AGBL1: variants seen among roughly 807,000 people sequenced by gnomAD.
AGBL1 encodes the protein AGBL carboxypeptidase 1, also known as cytosolic carboxypeptidase 4.
In AGBL1, 130 loss-of-function variants were observed where a neutral mutation model predicts 118.9. That is an observed-to-expected ratio of 1.09 (90% CI 0.95 to 1.26). AGBL1 has a LOEUF of 1.26. Ranked by LOEUF, AGBL1 falls within the 50% of genes most tolerant of loss-of-function variation. The probability of loss-of-function intolerance (pLI) is 0.00; values close to 1 mark genes in which losing one functional copy is unlikely to be tolerated. For synonymous variants in AGBL1, 555 were observed against 478.9 expected (o/e 1.16, Z -2.08); for missense variants, 1,584 against 1,298.1 (o/e 1.22, Z -3.38).
At chr15:86,449,797 T>G (rs2082170554) in intron 18 of AGBL1, among the ~76,000 whole-genome samples, 1 of 152,158 alleles carries the variant, frequency 6.6e-6, no homozygotes, top group Non-Finnish European at 1.5e-5. Context: ...CATGCGTGCC[T>G]GTGAGTGGAG....
chr15:86,720,811 G>A (rs1405951618), intron 22 of AGBL1, among the ~76,000 whole-genome samples: 2 of 152,108 alleles, frequency 1.3e-5, no homozygotes, highest in Non-Finnish European at 2.9e-5. Flanking sequence ...AAATGATAAA[G>A]GGGATATCAC....
At chr15:86,960,734 A>G (rs892320828) in intron 23 of AGBL1, among the ~76,000 whole-genome samples, 10 of 152,052 alleles carry the variant, frequency 6.6e-5, no homozygotes, top group Non-Finnish European at 8.8e-5. Context: ...GCATCCATCA[A>G]TGGACACTTA....
chr15:86,225,404 G>A (rs984629357), intron 6 of AGBL1, among the ~76,000 whole-genome samples: 15 of 152,168 alleles, frequency 9.9e-5, no homozygotes, highest in African/African-American at 3.6e-4. Context: ...TCTCAACTCA[G>A]CTCAGCTCAT....
At chr15:86,556,241 G>A in intron 21 of AGBL1, 1 of 1,613,294 alleles carries the variant, frequency 6.2e-7, no homozygotes, top group Non-Finnish European at 8.5e-7. Context: ...GAGGCTGTTG[G>A]AGAGGACAAA....
chr15:86,523,709 T>C (rs977389276), intron 19 of AGBL1, among the ~76,000 whole-genome samples: 1 of 129,842 alleles, frequency 7.7e-6, no homozygotes, highest in Non-Finnish European at 1.6e-5. Context: ...CTAATACTTA[T>C]ATTCCAAATT....
At chr15:86,509,451 G>T (rs916083436) in intron 18 of AGBL1, among the ~76,000 whole-genome samples, 1 of 152,108 alleles carries the variant, frequency 6.6e-6, no homozygotes, top group African/African-American at 2.4e-5. Flanking sequence ...CTGGTGAGAT[G>T]AGACTAGTTT....
intron 22 of AGBL1, among the ~76,000 whole-genome samples, chr15:86,862,008 G>A (rs190374750): frequency 6.6e-6 from 1 of 152,204 alleles, no homozygotes; most frequent in East Asian, 1.9e-4. Context: ...GAAAAACTAG[G>A]GTTGGAATCT....
intron 17 of AGBL1, among the ~76,000 whole-genome samples, chr15:86,335,724 T>C (rs945718954): frequency 1.3e-5 from 2 of 152,114 alleles, no homozygotes; most frequent in African/African-American, 4.8e-5. Context: ...TATAAGAAAG[T>C]TGGAGAAAAC....
At chr15:86,928,407 T>C (rs552344817) in intron 23 of AGBL1, among the ~76,000 whole-genome samples, 18 of 152,174 alleles carry the variant, frequency 1.2e-4, no homozygotes, top group East Asian at 7.8e-4. Context: ...CCCGTCTGAG[T>C]CCAAATCAAT....
chr15:86,351,532 A>G (rs2080626142), intron 17 of AGBL1, among the ~76,000 whole-genome samples: 1 of 152,180 alleles, frequency 6.6e-6, no homozygotes, highest in African/African-American at 2.4e-5. Flanking sequence ...TCTTGAAATT[A>G]ACAAATTTCA....
intron 21 of AGBL1, chr15:86,556,364 A>G: frequency 7.7e-7 from 1 of 1,293,354 alleles, no homozygotes; most frequent in Non-Finnish European, 1.1e-6. Flanking sequence ...ATGGAGGGAG[A>G]ACTGGCTAGA....
At chr15:86,111,844 T>A (rs963827676) in intron 1 of AGBL1, among the ~76,000 whole-genome samples, 10 of 152,130 alleles carry the variant, frequency 6.6e-5, no homozygotes, top group Non-Finnish European at 1.0e-4. Context: ...AAGCAAAGCT[T>A]CATCTGTATT....
At position 86,095,093 on chromosome 15, in the gene AGBL1, T is replaced by C. The variant is rs1482591260; in HGVS notation, c.51+15070T>C. Among the ~76,000 whole-genome samples the C allele has an allele frequency of 2.7e-5, 4 of 146,760 alleles. No individual in the cohort carries two copies. The East Asian group carries it at 5.8e-4, about 21-fold the overall frequency. On this transcript the variant is annotated intron_variant, in intron 1 of 22. Coordinates refer to ENST00000614907, the MANE Select transcript of AGBL1 (RefSeq NM_001386094.1). ...GTTTATGATAGAGGATAAAAATGAA[T>C]AGTCAGATGGAGAGGTACATAGAGG...
intron 18 of AGBL1, among the ~76,000 whole-genome samples, chr15:86,473,667 A>G (rs1261533691): frequency 1.3e-5 from 2 of 152,226 alleles, no homozygotes; most frequent in Admixed American, 6.5e-5. Flanking sequence ...GCATTTTATC[A>G]TAGGACTGGA....
At chr15:86,670,159 G>C (rs1034686051) in intron 21 of AGBL1, among the ~76,000 whole-genome samples, 1 of 151,712 alleles carries the variant, frequency 6.6e-6, no homozygotes, top group African/African-American at 2.4e-5. Context: ...TTTTATTTTG[G>C]TTCAGTTTAT....
At chr15:86,834,660 G>A (rs906770651) in intron 22 of AGBL1, among the ~76,000 whole-genome samples, 1 of 152,118 alleles carries the variant, frequency 6.6e-6, no homozygotes, top group Non-Finnish European at 1.5e-5. Flanking sequence ...TGTGTCTCTA[G>A]GCTGCGTGTT....
intron 17 of AGBL1, among the ~76,000 whole-genome samples, chr15:86,394,879 C>T (rs977235827): frequency 1.3e-5 from 2 of 152,272 alleles, no homozygotes; most frequent in East Asian, 3.9e-4. Flanking sequence ...AACTGTGTCA[C>T]ATGGCCACTC....
chr15:86,837,479 C>T (rs978945293), intron 22 of AGBL1, among the ~76,000 whole-genome samples: 2 of 152,130 alleles, frequency 1.3e-5, no homozygotes, highest in South Asian at 4.1e-4. Context: ...CTTTTGTTTA[C>T]ATATTTTTAT....
chr15:86,863,714 G>A (rs1009235549), intron 22 of AGBL1, among the ~76,000 whole-genome samples: 1 of 152,176 alleles, frequency 6.6e-6, no homozygotes, highest in African/African-American at 2.4e-5. Flanking sequence ...GGAACATTCT[G>A]TATGGATCAT....
Sources: allele counts gnomAD v4.1 joint callset (sites outside exome capture counted in the v4.1 genomes callset), GRCh38; gene constraint gnomAD v4.1.1; transcripts MANE v1.5; gene names NCBI Gene and HGNC (gene_info 2026-07-23, HGNC 2026-07-21).